SMC6: variants seen among roughly 807,000 people sequenced by gnomAD.
The protein encoded by SMC6 is structural maintenance of chromosomes 6, also known as structural maintenance of chromosomes protein 6.
A neutral mutation model predicts 142.2 loss-of-function variants in SMC6; 79 were observed. The ratio of observed to expected loss-of-function variants is 0.56; its 90% CI spans 0.46 to 0.67. The LOEUF (loss-of-function observed/expected upper bound fraction) is 0.67, where lower values mean the gene tolerates loss of function less well. Ranked by LOEUF, SMC6 falls within the 30% of genes least tolerant of loss-of-function variation. The pLI, the probability that SMC6 is intolerant of heterozygous loss-of-function variation, is 0.00. For missense variants in SMC6, 1,072 were observed against 1,284.0 expected (o/e 0.83, Z 2.52); for synonymous variants, 411 against 412.4 (o/e 1.00, Z 0.04).
At chr2:17,702,737 T>G (rs1668328015) in intron 19 of SMC6, among the ~76,000 whole-genome samples, 1 of 152,118 alleles carries the variant, frequency 6.6e-6, no homozygotes, top group African/African-American at 2.4e-5. Context: ...TCATGAGATT[T>G]GATGGTTTTA....
intron 27 of SMC6, among the ~76,000 whole-genome samples, chr2:17,666,127 C>T (rs988559075): frequency 6.6e-6 from 1 of 152,046 alleles, no homozygotes; most frequent in African/African-American, 2.4e-5. Flanking sequence ...TCATTTTAGT[C>T]CAAACAGAAT....
At chr2:17,731,655 T>G (rs1317393422) in intron 6 of SMC6, 86 bp downstream of exon 6, 2 of 1,283,348 alleles carry the variant, frequency 1.6e-6, no homozygotes, top group Non-Finnish European at 2.2e-6. Flanking sequence ...ACAAGGAAGA[T>G]AGTTCAATCA....
chr2:17,712,178 G>A (rs1411257334), intron 16 of SMC6, among the ~76,000 whole-genome samples: 1 of 152,156 alleles, frequency 6.6e-6, no homozygotes, highest in Non-Finnish European at 1.5e-5. Context: ...TCGGCAACAA[G>A]GAAATAACTG....
chr2:17,727,296 T>C (rs1467697792), intron 7 of SMC6, among the ~76,000 whole-genome samples: 4 of 152,166 alleles, frequency 2.6e-5, no homozygotes, highest in Non-Finnish European at 5.9e-5. Context: ...GGTTGGAATA[T>C]AAAGCAGGCG....
At chr2:17,696,253 T>C (rs1416309806) in intron 22 of SMC6, 36 bp downstream of exon 22, 3 of 1,574,760 alleles carry the variant, frequency 1.9e-6, no homozygotes, top group Admixed American at 2.1e-5. Context: ...TGGCTAAGGC[T>C]GAAAACAAAA....
chr2:17,705,429 A>G (rs764359986), intron 18 of SMC6, among the ~76,000 whole-genome samples: 19 of 151,680 alleles, frequency 1.3e-4, no homozygotes, highest in Non-Finnish European at 2.7e-4. Flanking sequence ...TTAGTTGGGC[A>G]TGGTGGCACT....
intron 11 of SMC6, among the ~76,000 whole-genome samples, chr2:17,719,083 T>G (rs1356106490): frequency 6.6e-6 from 1 of 152,154 alleles, no homozygotes; most frequent in African/African-American, 2.4e-5. Context: ...TCAGCAAACC[T>G]TTCTACAAGG....
chr2:17,704,413 C>T (rs1005619961), intron 18 of SMC6, among the ~76,000 whole-genome samples: 4 of 152,124 alleles, frequency 2.6e-5, no homozygotes, highest in Admixed American at 6.5e-5. Flanking sequence ...AAATAAAGTA[C>T]CAGATTCCAA....
intron 15 of SMC6, 107 bp from the exon 16 acceptor site, chr2:17,715,172 G>A: frequency 1.9e-6 from 2 of 1,055,044 alleles, no homozygotes; most frequent in Non-Finnish European, 2.7e-6. Context: ...TTTATATAAA[G>A]CAGTTTAAAT....
intron 26 of SMC6, among the ~76,000 whole-genome samples, chr2:17,669,295 C>T (rs769701823): frequency 1.6e-4 from 24 of 152,082 alleles, no homozygotes; most frequent in Non-Finnish European, 2.6e-4. Flanking sequence ...TGGTGGTTTA[C>T]CAGGTGATGT....
intron 23 of SMC6, among the ~76,000 whole-genome samples, chr2:17,693,577 T>C (rs1471421768): frequency 6.6e-6 from 1 of 151,982 alleles, no homozygotes; most frequent in Non-Finnish European, 1.5e-5. Context: ...TTAGGAGATA[T>C]ACCTAATGTT....
intron 7 of SMC6, 73 bp from the exon 8 acceptor site, chr2:17,726,542 C>T: frequency 8.0e-7 from 1 of 1,253,388 alleles, no homozygotes; most frequent in Non-Finnish European, 1.1e-6. Flanking sequence ...CTGAAACATA[C>T]ATTACAAGTG....
rs910313713 is a variant in SMC6 at position 17,665,366 on chromosome 2, G to T, written c.*133C>A. ...TCCAGGCTTATTTATATGTTTGATT[G>T]TGGTTGGATATATAAAGGAGTTTCT... On this transcript the variant is annotated 3_prime_UTR_variant, in exon 28 of 28. Transcript: ENST00000448223. The T allele has an allele frequency of 6.8e-5, 29 of 423,972 alleles. No individual in the cohort carries two copies. The highest frequency in any genetic ancestry group is 5.7e-4 in the African/African-American group (28 of 49,022). 26.3% of individuals were successfully genotyped at this position (423,972 alleles called of 1,614,324 possible). A position where few individuals can be genotyped will look rare whatever the true frequency, so the allele number is the denominator to read the frequency against.
Position 17,731,870 on chromosome 2 carries a change from C to T in SMC6, c.352G>A (p.Asp118Asn), listed in dbSNP as rs1669929326. 1.9e-6 allele frequency: 3 copies of T among 1,613,168 alleles called. No individual in the cohort carries two copies. The South Asian group carries it at 3.3e-5, about 18-fold the overall frequency. Reference sequence around the variant, plus strand: ...CTGTTCCTCAATGTTATTGAGATATCTGCAGAGCTGAAAGAATGAGGTTGA... The same window carrying T: ...CTGTTCCTCAATGTTATTGAGATATTTGCAGAGCTGAAAGAATGAGGTTGA... Reference protein sequence around the residue: ...GFVKDGQNSADISITLRNRGD... With the variant: ...GFVKDGQNSANISITLRNRGD... Residue 118 changes from aspartate (D) to asparagine (N), a missense_variant, in exon 6 of 28, where the codon GAT (aspartate) becomes AAT (asparagine). Coordinates refer to ENST00000448223, the MANE Select transcript of SMC6 (RefSeq NM_001142286.2).
intron 24 of SMC6, chr2:17,680,120 G>C (rs1667175341): frequency 6.6e-6 from 1 of 152,126 alleles, no homozygotes; most frequent in Non-Finnish European, 1.5e-5. Flanking sequence ...AAAAGAGACT[G>C]TTGTCATAAA....
At chr2:17,669,416 ATATGTG>A (rs1666654705) in intron 26 of SMC6, among the ~76,000 whole-genome samples, 1 of 152,276 alleles carries the variant, frequency 6.6e-6, no homozygotes, top group Non-Finnish European at 1.5e-5. Context: ...GGGGACTGTG[ATATGTG>A]TATATTTGTA....
chr2:17,700,203 T>G lies in SMC6; in HGVS notation c.2394+5A>C. Reference sequence around the variant, plus strand: ...CATACGTAACACAGTACCAAAAATATATACCTTAAGTGGGTCTGCTAGCTC... The same window carrying G: ...CATACGTAACACAGTACCAAAAATAGATACCTTAAGTGGGTCTGCTAGCTC... On this transcript the variant is annotated splice_donor_5th_base_variant and intron_variant, in intron 21 of 27. Coordinates refer to ENST00000448223, the MANE Select transcript of SMC6 (RefSeq NM_001142286.2). The G allele has an allele frequency of 6.3e-7, 1 of 1,575,162 alleles. No individual in the cohort carries two copies. The highest frequency in any genetic ancestry group is 8.6e-7 in the Non-Finnish European group (1 of 1,160,532).
In SMC6 at chr2:17,695,203, T is replaced by C; in HGVS notation, c.2627A>G (p.Gln876Arg). 1 of 1,613,758 alleles carries C rather than the reference T, an allele frequency of 6.2e-7. No homozygotes were observed. Among genetic ancestry groups the C allele is most frequent in the Non-Finnish European group, 8.5e-7 (1 of 1,179,832 alleles). ...ACTAGCATGTTCTGCCTGTATCTTC[T>C]GCCTTAATCGATTAATTTCTTTGTC... is the stretch of plus-strand genomic sequence containing the variant. ...ILDKEINRLR[Q>R]KIQAEHASHG... is the part of the protein sequence containing the mutation. Residue 876 changes from glutamine to arginine, a missense_variant, in exon 23 of 28, where the codon CAG becomes CGG. This residue lies in a region of SMC6 where 994 missense variants were observed against 1,153.2 expected (regional missense o/e 0.86). Transcript: ENST00000448223.
At chr2:17,692,557 A>C (rs1196052072) in intron 23 of SMC6, among the ~76,000 whole-genome samples, 1 of 152,226 alleles carries the variant, frequency 6.6e-6, no homozygotes, top group African/African-American at 2.4e-5. Flanking sequence ...AAATTAATTC[A>C]AGATGGATTA....
Sources: gnomAD v4.1 joint callset for allele counts (sites outside exome capture counted in the v4.1 genomes callset) on GRCh38, gnomAD v4.1.1 for gene constraint, gnomAD v4.1.1 regional missense constraint, MANE v1.5 for transcripts, NCBI Gene and HGNC (gene_info 2026-07-23, HGNC 2026-07-21) for gene names.